The following SVOPL variants were observed in gnomAD, a reference collection of about 807,000 sequenced individuals.
The protein encoded by SVOPL is putative transporter SVOPL.
A neutral mutation model predicts 61.0 loss-of-function variants in SVOPL; 60 were observed. The observed-to-expected ratio is 0.98, with a 90% CI of 0.80 to 1.22. The LOEUF is 1.22. Among genes scored for constraint, SVOPL ranks in the 50% most tolerant of loss-of-function variants. SVOPL has a pLI of 0.00. For synonymous variants in SVOPL, 279 were observed against 250.0 expected (o/e 1.12, Z -1.09); for missense variants, 662 against 643.9 (o/e 1.03, Z -0.30).
chr7:138,606,083 C>T (rs1046041683), intron 14 of SVOPL, among the ~76,000 whole-genome samples: 3 of 151,518 alleles, frequency 2.0e-5, no homozygotes, highest in Admixed American at 6.6e-5. Flanking sequence ...AGAGTTACTA[C>T]GGTAGGAGCC....
intron 6 of SVOPL, among the ~76,000 whole-genome samples, chr7:138,658,440 TTTTGTTTG>T (rs138334011): frequency 1.2e-3 from 176 of 152,168 alleles, no homozygotes; most frequent in African/African-American, 4.2e-3. Context: ...CTTCAAAAAT[TTTTGTTTG>T]TTTGTTTGTT....
In SVOPL at chr7:138,609,735, G is replaced by A. The variant is rs1189699528; in HGVS notation, c.1353+11311C>T. Among the ~76,000 whole-genome samples, 84 of 121,064 alleles carry A rather than the reference G, an allele frequency of 6.9e-4. 1 individual carries two copies. Among genetic ancestry groups the A allele is most frequent in the African/African-American group, 2.2e-3 (71 of 32,360 alleles). The allele number at this position is 121,064 out of a possible 152,430, so 79.4% of individuals were successfully genotyped here. ...TTTTTTTTTTGGGGGGGGTGGGGGC[G>A]TTGGGGGTGGGGAGAGGGATAGAGT... On this transcript the variant is annotated intron_variant, in intron 14 of 15. Transcript: ENST00000674285.
At chr7:138,622,054 G>GTATC (rs1799632468) in intron 13 of SVOPL, among the ~76,000 whole-genome samples, 13 of 21,052 alleles carry the variant, frequency 6.2e-4, no homozygotes, top group African/African-American at 2.0e-3. Context: ...ATCTATCTAT[G>GTATC]TATCTATCTA....
chr7:138,642,576 T>C (rs184840889), intron 9 of SVOPL, among the ~76,000 whole-genome samples: 117 of 152,010 alleles, frequency 7.7e-4, no homozygotes, highest in African/African-American at 2.7e-3. Context: ...CCTGTAATCC[T>C]AGCACTTTGG....
At position 138,633,578 on chromosome 7, in the gene SVOPL, A is replaced by G. The variant is rs542743638; in HGVS notation, c.790-3456T>C. Reference sequence around the variant, plus strand: ...GTACAGTCTGCAGAACCATGAGCCAAATAAATCTCTTTTAACAGTCACCCA... The same window carrying G: ...GTACAGTCTGCAGAACCATGAGCCAGATAAATCTCTTTTAACAGTCACCCA... On this transcript the variant is annotated intron_variant, in intron 9 of 15. Coordinates refer to ENST00000674285, the MANE Select transcript of SVOPL (RefSeq NM_001139456.2). Among the ~76,000 whole-genome samples, 40 of 83,360 alleles carry G rather than the reference A, an allele frequency of 4.8e-4. No individual in the cohort carries two copies. In the Admixed American group the frequency reaches 5.9e-3, roughly 12 times the overall value. The allele number at this position is 83,360 out of a possible 152,430, so 54.7% of individuals were successfully genotyped here.
chr7:138,688,149 A>C (rs1802860946), intron 1 of SVOPL, among the ~76,000 whole-genome samples: 1 of 152,182 alleles, frequency 6.6e-6, no homozygotes, highest in Admixed American at 6.6e-5. Flanking sequence ...ACATGTCTAC[A>C]AAGAAGATAT....
At chr7:138,611,875 G>T (rs28661023) in intron 14 of SVOPL, among the ~76,000 whole-genome samples, 33 of 54,452 alleles carry the variant, frequency 6.1e-4, no homozygotes, top group Admixed American at 1.7e-3. Context: ...CTGCCCGGCC[G>T]CCACCCCGTC....
In SVOPL at chr7:138,670,823, T is replaced by C. The variant is rs376876187; in HGVS notation, c.273+1196A>G. Among the ~76,000 whole-genome samples the C allele has an allele frequency of 3.9e-5, 6 of 152,232 alleles. No individual in the cohort carries two copies. In the East Asian group the frequency reaches 1.2e-3, roughly 29 times the overall value. On this transcript the variant is annotated intron_variant, in intron 4 of 15. Transcript: ENST00000674285. ...TGACCTTCTACCCTGCAGCCTTATCTCCTTGGAGTTCTTAGAAAACTGACC... is the reference window on the plus strand; with the variant it reads ...TGACCTTCTACCCTGCAGCCTTATCCCCTTGGAGTTCTTAGAAAACTGACC...
intron 1 of SVOPL, among the ~76,000 whole-genome samples, chr7:138,685,162 C>A (rs545300756): frequency 1.3e-5 from 2 of 152,042 alleles, no homozygotes; most frequent in African/African-American, 2.4e-5. Flanking sequence ...CGACTCCCGA[C>A]CTCAGGTGAT....
At chr7:138,607,392 G>C (rs1198387603) in intron 14 of SVOPL, among the ~76,000 whole-genome samples, 2 of 152,182 alleles carry the variant, frequency 1.3e-5, no homozygotes, top group African/African-American at 2.4e-5. Context: ...AAAGAGTAGA[G>C]GAAGACAAGT....
At chr7:138,653,259 G>A (rs1376260563) in intron 7 of SVOPL, among the ~76,000 whole-genome samples, 1 of 152,214 alleles carries the variant, frequency 6.6e-6, no homozygotes, top group African/African-American at 2.4e-5. Flanking sequence ...TCATCCAGGA[G>A]ATCTAGCTAA....
Position 138,630,199 on chromosome 7 carries a change from T to C in SVOPL, c.790-77A>G, listed in dbSNP as rs1042915486. 29 of 1,250,538 alleles carry C rather than the reference T, an allele frequency of 2.3e-5. 1 individual carries two copies. Among genetic ancestry groups the C allele is most frequent in the South Asian group, 8.5e-5 (7 of 82,134 alleles). The allele number at this position is 1,250,538 out of a possible 1,614,324, so 77.5% of individuals were successfully genotyped here. On this transcript the variant is annotated intron_variant, in intron 9 of 15. Transcript: ENST00000674285. ...GAGATGTTTCCACTGTTTTCGATCA[T>C]AGAAGATGAGAATCATATTGGAGCA...
intron 5 of SVOPL, chr7:138,662,453 A>T: frequency 1.0e-6 from 1 of 985,292 alleles, no homozygotes; most frequent in African/African-American, 1.7e-5. Flanking sequence ...GGGGTTAGAG[A>T]CTTTATGGAC....
chr7:138,687,258 G>A (rs1326847452), intron 1 of SVOPL, among the ~76,000 whole-genome samples: 2 of 117,516 alleles, frequency 1.7e-5, no homozygotes, highest in African/African-American at 3.4e-5. Flanking sequence ...TTTTTGAGAC[G>A]GAGTTTCACT....
intron 9 of SVOPL, among the ~76,000 whole-genome samples, chr7:138,637,226 G>C (rs1049100398): frequency 1.3e-5 from 2 of 151,924 alleles, no homozygotes; most frequent in Admixed American, 6.6e-5. Context: ...CCAGGAATTC[G>C]AGGCCAGCCT....
At chr7:138,626,116 C>T in intron 12 of SVOPL, 66 bp from the exon 13 acceptor site, 1 of 1,470,906 alleles carries the variant, frequency 6.8e-7, no homozygotes, top group Middle Eastern at 1.7e-4. Flanking sequence ...AGTGGCCCAG[C>T]TTCGAGTGCA....
At chr7:138,643,679 T>C (rs1468042021) in intron 9 of SVOPL, among the ~76,000 whole-genome samples, 1 of 151,708 alleles carries the variant, frequency 6.6e-6, no homozygotes, top group Non-Finnish European at 1.5e-5. Flanking sequence ...CACTGTATGA[T>C]TCTACGTGTG....
chr7:138,635,270 C>CAAAAAA, intron 9 of SVOPL, among the ~76,000 whole-genome samples: 1 of 138,274 alleles, frequency 7.2e-6, no homozygotes, highest in Middle Eastern at 3.4e-3. Context: ...AAAACTGTCT[C>CAAAAAA]AAAAAAAAAA....
chr7:138,614,535 G>T (rs1799200875), intron 14 of SVOPL, among the ~76,000 whole-genome samples: 1 of 151,692 alleles, frequency 6.6e-6, no homozygotes, highest in Non-Finnish European at 1.5e-5. Flanking sequence ...AGCTGGGATT[G>T]CAGACGTGTG....
Sources: allele counts gnomAD v4.1 joint callset (sites outside exome capture counted in the v4.1 genomes callset), GRCh38; gene constraint gnomAD v4.1.1; transcripts MANE v1.5; gene names NCBI Gene and HGNC (gene_info 2026-07-23, HGNC 2026-07-21).